Variants in SPMIP1 observed in about 807,000 individuals in gnomAD.
The protein encoded by SPMIP1 is sperm microtubule inner protein 1.
chr7:128,867,446 C>T, the SPMIP1 span, among the ~76,000 whole-genome samples: 36 of 152,246 alleles, frequency 2.4e-4, no homozygotes, highest in African/African-American at 8.7e-4. Context: ...TGAACAGGTC[C>T]TATTTAGCCA....
At chr7:128,872,011 G>T in the SPMIP1 span, 2 of 152,218 alleles carry the variant, frequency 1.3e-5, no homozygotes, top group African/African-American at 4.8e-5. Context: ...ACAATAAAAA[G>T]CTTATGGCTT....
chr7:128,869,556 A>G, the SPMIP1 span: 1 of 152,058 alleles, frequency 6.6e-6, no homozygotes, highest in Non-Finnish European at 1.5e-5. Flanking sequence ...GGCGGCAGTC[A>G]GCGTCCGGCC....
the SPMIP1 span, chr7:128,866,922 CAG>C: frequency 7.9e-7 from 1 of 1,263,224 alleles, no homozygotes; most frequent in Middle Eastern, 2.1e-4. Flanking sequence ...AGACTATAAA[CAG>C]AGCAAGGAGA....
At chr7:128,867,424 C>A in the SPMIP1 span, among the ~76,000 whole-genome samples, 1 of 152,160 alleles carries the variant, frequency 6.6e-6, no homozygotes, top group African/African-American at 2.4e-5. Flanking sequence ...GAGGTCAGGG[C>A]TGGAGCGTGC....
chr7:128,867,500 T>C, the SPMIP1 span, among the ~76,000 whole-genome samples: 1 of 152,178 alleles, frequency 6.6e-6, no homozygotes, highest in Non-Finnish European at 1.5e-5. Flanking sequence ...GTAGGGTGGC[T>C]GTGTCTATAA....
chr7:128,870,151 G>A, the SPMIP1 span: 1 of 152,268 alleles, frequency 6.6e-6, no homozygotes. Context: ...TTCTCCGGAG[G>A]TTTGGGCTCT....
At chr7:128,867,087 ATTTG>A in the SPMIP1 span, among the ~76,000 whole-genome samples, 1 of 152,162 alleles carries the variant, frequency 6.6e-6, no homozygotes, top group Admixed American at 6.5e-5. Context: ...TTTGGATTTT[ATTTG>A]TTGTGCAGGG....
chr7:128,871,563 C>T, the SPMIP1 span: 4 of 152,136 alleles, frequency 2.6e-5, no homozygotes, highest in South Asian at 2.1e-4. Flanking sequence ...GATGTGTTGC[C>T]GCTCCCCTGC....
the SPMIP1 span, chr7:128,866,758 C>G: frequency 7.1e-5 from 109 of 1,536,002 alleles, no homozygotes; most frequent in Non-Finnish European, 9.1e-5. Flanking sequence ...CCTCAACACT[C>G]GAAAACTGGA....
chr7:128,866,635 C>T, the SPMIP1 span: 7 of 1,308,474 alleles, frequency 5.3e-6, no homozygotes, highest in South Asian at 4.9e-5. Flanking sequence ...TTCCAAGGTG[C>T]CCAGCCCTGT....
At chr7:128,866,798 T>C in the SPMIP1 span, 1 of 1,535,360 alleles carries the variant, frequency 6.5e-7, no homozygotes, top group East Asian at 2.4e-5. Context: ...CTCTTCCCCA[T>C]CACCACCAGC....
At chr7:128,869,816 G>A in the SPMIP1 span, 1 of 152,428 alleles carries the variant, frequency 6.6e-6, no homozygotes, top group East Asian at 1.9e-4. Flanking sequence ...CCCGACCCCG[G>A]AGGGCACCCG....
chr7:128,866,552 G>A, the SPMIP1 span: 44 of 1,535,728 alleles, frequency 2.9e-5, no homozygotes, highest in South Asian at 3.8e-4. Flanking sequence ...GCTGCAGCCC[G>A]CCTGCCCCTC....
the SPMIP1 span, chr7:128,866,722 C>T: frequency 2.0e-6 from 3 of 1,536,038 alleles, no homozygotes; most frequent in Non-Finnish European, 2.6e-6. Context: ...AGGCATCTCC[C>T]ACGACTTCCA....
the SPMIP1 span, chr7:128,870,359 G>C: frequency 3.9e-5 from 6 of 152,540 alleles, no homozygotes; most frequent in African/African-American, 1.4e-4. Flanking sequence ...CTGGCACTTA[G>C]GACTAAATTC....
the SPMIP1 span, chr7:128,866,379 C>T: frequency 6.7e-7 from 1 of 1,490,280 alleles, no homozygotes. Flanking sequence ...TCAGCTGTGG[C>T]CACCCTGGTG....
the SPMIP1 span, among the ~76,000 whole-genome samples, chr7:128,868,241 A>G: frequency 6.6e-6 from 1 of 152,190 alleles, no homozygotes; most frequent in Non-Finnish European, 1.5e-5. Context: ...ATGGTTGGGG[A>G]TTGACTCAGT....
At chr7:128,866,820 C>G in the SPMIP1 span, 3 of 1,532,922 alleles carry the variant, frequency 2.0e-6, no homozygotes, top group Non-Finnish European at 2.6e-6. Flanking sequence ...TCACGTATGG[C>G]TGGCAGCTGG....
chr7:128,866,399 C>T, the SPMIP1 span: 708 of 1,507,464 alleles, frequency 4.7e-4, 8 homozygotes, highest in South Asian at 5.1e-3. Flanking sequence ...GCCACTCCTT[C>T]CCTGGCCACC....
Sources: gnomAD v4.1 joint callset for allele counts (sites outside exome capture counted in the v4.1 genomes callset) on GRCh38, gnomAD v4.1.1 for gene constraint, MANE v1.5 for transcripts, NCBI Gene and HGNC (gene_info 2026-07-23, HGNC 2026-07-21) for gene names.